The following PRH1 variants were observed in gnomAD, a reference collection of about 807,000 sequenced individuals.
PRH1 encodes proline rich protein HaeIII subfamily 1.
A neutral mutation model predicts 7.9 loss-of-function variants in PRH1; 7 were observed. The observed-to-expected ratio is 0.89, with a 90% confidence interval of 0.50 to 1.67. The LOEUF (loss-of-function observed/expected upper bound fraction) is 1.67. Among genes scored for constraint, PRH1 ranks in the 40% most tolerant of loss-of-function variants. The pLI is 0.00. For synonymous variants in PRH1, 45 were observed against 80.8 expected, an observed-to-expected ratio of 0.56 and a Z score of 2.38; for missense variants, 109 against 223.6, an observed-to-expected ratio of 0.49 and a Z score of 3.27.
intron 1 of PRH1, chr12:11,031,046 C>T (rs1170468169): frequency 2.5e-6 from 4 of 1,614,302 alleles, no homozygotes; most frequent in Non-Finnish European, 2.5e-6. Context: ...AGTAGCAAGC[C>T]AGTTGCTGAA....
intron 1 of PRH1, among the ~76,000 whole-genome samples, chr12:11,155,223 A>C (rs1947216537): frequency 6.6e-6 from 1 of 152,212 alleles, no homozygotes. Flanking sequence ...TGCAATTTTC[A>C]TTCTGCCCTA....
intron 1 of PRH1, among the ~76,000 whole-genome samples, chr12:11,086,215 T>A (rs1173821289): frequency 6.8e-6 from 1 of 146,352 alleles, no homozygotes; most frequent in African/African-American, 2.5e-5. Context: ...TCAATGTTTA[T>A]CAAGCTTAAT....
chr12:11,074,350 G>T, intron 1 of PRH1, among the ~76,000 whole-genome samples: 1 of 150,724 alleles, frequency 6.6e-6, no homozygotes, highest in Non-Finnish European at 1.5e-5. Flanking sequence ...ATAAAGTAGG[G>T]AGGGAAATGA....
intron 1 of PRH1, chr12:10,986,270 C>T: frequency 6.2e-7 from 1 of 1,614,040 alleles, no homozygotes; most frequent in Non-Finnish European, 8.5e-7. Context: ...AACAGATTAG[C>T]ATCAGAAAAG....
At chr12:10,958,693 CAAG>C (rs1321553229) in intron 2 of PRH1, among the ~76,000 whole-genome samples, 1 of 151,868 alleles carries the variant, frequency 6.6e-6, no homozygotes, top group African/African-American at 2.4e-5. Flanking sequence ...AAGAGCAATC[CAAG>C]AAGAAGGGAC....
intron 1 of PRH1, among the ~76,000 whole-genome samples, chr12:11,042,294 A>G (rs112939128): frequency 1.3e-5 from 2 of 152,188 alleles, no homozygotes; most frequent in African/African-American, 4.8e-5. Context: ...TACAACTGAT[A>G]CAACAGAAAT....
intron 2 of PRH1, among the ~76,000 whole-genome samples, chr12:10,942,677 C>T (rs1387502511): frequency 6.6e-6 from 1 of 152,194 alleles, no homozygotes; most frequent in African/African-American, 2.4e-5. Context: ...CTTCCCCTGC[C>T]TATTTAGTCT....
At chr12:11,049,594 A>AT (rs574562944), upstream of PRH1, among the ~76,000 whole-genome samples, 800 of 152,252 alleles carry the variant, frequency 5.3e-3, 13 homozygotes, top group African/African-American at 0.018. Flanking sequence ...AAATAAAGGC[A>AT]TTTTTTTAAT....
intron 1 of PRH1, among the ~76,000 whole-genome samples, chr12:11,101,711 TA>T (rs1185287510): frequency 1.3e-5 from 2 of 152,004 alleles, no homozygotes; most frequent in African/African-American, 4.8e-5. Context: ...TAATAAACAG[TA>T]AGATAAAAAA....
intron 2 of PRH1, chr12:10,938,122 G>A (rs1317380373): frequency 6.5e-6 from 4 of 620,152 alleles, no homozygotes; most frequent in East Asian, 2.8e-5. Context: ...TTTGTGATAT[G>A]TTTGGATGGT....
rs551919973 is a variant in PRH1, at chr12:11,146,215, AT to A, written n.40-25036del. Among the ~76,000 whole-genome samples, 72 of 151,288 alleles carry A rather than the reference AT, an allele frequency of 4.8e-4. No homozygotes were observed. In the South Asian group the frequency reaches 0.013, roughly 28 times the overall value. On this transcript the variant is annotated intron_variant and non_coding_transcript_variant, in intron 1 of 1. Transcript: ENST00000541175. ...TTCCTCATTCTGTGCGTCTTTACAC[AT>A]TTTTTTTCTTTCAGTCTTTTTCTAG...
At chr12:11,017,652 AT>A (rs1356650081) in intron 1 of PRH1, among the ~76,000 whole-genome samples, 2 of 151,544 alleles carry the variant, frequency 1.3e-5, no homozygotes, top group Non-Finnish European at 2.9e-5. Context: ...GCCTGGCTAA[AT>A]TTTTTTGTAT....
chr12:10,930,128 C>T (rs568027174), intron 2 of PRH1: 216 of 998,742 alleles, frequency 2.2e-4, no homozygotes, highest in Admixed American at 5.9e-4. Context: ...CTTCCACTTC[C>T]GGTAGCATCA....
At chr12:11,126,471 TGTATA>T (rs1434264118) in intron 1 of PRH1, among the ~76,000 whole-genome samples, 7 of 152,300 alleles carry the variant, frequency 4.6e-5, no homozygotes, top group African/African-American at 1.7e-4. Flanking sequence ...TTTTGATTGC[TGTATA>T]GTATTCTATT....
At chr12:11,131,362 TCGG>T (rs1946334653) in intron 1 of PRH1, among the ~76,000 whole-genome samples, 7 of 152,204 alleles carry the variant, frequency 4.6e-5, no homozygotes, top group African/African-American at 1.7e-4. Flanking sequence ...TTGTTTCACA[TCGG>T]TTCTTGTCTC....
At chr12:10,984,088 G>GT (rs11421487) in intron 1 of PRH1, among the ~76,000 whole-genome samples, 68,097 of 151,330 alleles carry the variant, frequency 0.45, 16,109 homozygotes, top group Non-Finnish European at 0.52. Flanking sequence ...AACTAACTCA[G>GT]TTTTTTTTAA....
At chr12:11,057,730 T>C (rs1943424223) in intron 1 of PRH1, among the ~76,000 whole-genome samples, 1 of 152,208 alleles carries the variant, frequency 6.6e-6, no homozygotes, top group Non-Finnish European at 1.5e-5. Context: ...CTTTCTAGGA[T>C]GTACTGTCTT....
intron 1 of PRH1, among the ~76,000 whole-genome samples, chr12:10,979,552 G>T (rs1049301350): frequency 1.3e-5 from 2 of 152,298 alleles, no homozygotes; most frequent in East Asian, 3.9e-4. Context: ...TAAGGATTTT[G>T]GCCTTACTCT....
intron 1 of PRH1, among the ~76,000 whole-genome samples, chr12:11,007,802 A>G (rs768399439): frequency 7.9e-5 from 12 of 152,098 alleles, no homozygotes; most frequent in Non-Finnish European, 1.0e-4. Flanking sequence ...CACCCCCTCC[A>G]GATGTAGCCT....
Sources: gnomAD v4.1 joint callset for allele counts (sites outside exome capture counted in the v4.1 genomes callset) on GRCh38, gnomAD v4.1.1 for gene constraint, MANE v1.5 for transcripts, NCBI Gene and HGNC (gene_info 2026-07-23, HGNC 2026-07-21) for gene names.